MCM5: variants seen among roughly 807,000 people sequenced by gnomAD.
MCM5 encodes the protein minichromosome maintenance complex component 5, also known as DNA replication licensing factor MCM5.
MCM5 carries 46 observed loss-of-function variants against 79.9 expected under a neutral mutation model. The observed-to-expected ratio is 0.58, with a 90% CI of 0.45 to 0.74. The LOEUF is 0.74. MCM5 is among the 30% of genes least tolerant of loss of function. MCM5 has a pLI of 0.00. For missense variants in MCM5, 883 were observed against 1,017.0 expected, an observed-to-expected ratio of 0.87 and a Z score of 1.79; for synonymous variants, 404 against 390.5, an observed-to-expected ratio of 1.03 and a Z score of -0.41.
chr22:35,428,167 C>A (rs1932790261), downstream of MCM5, among the ~76,000 whole-genome samples: 1 of 151,600 alleles, frequency 6.6e-6, no homozygotes, highest in South Asian at 2.1e-4. Flanking sequence ...ATTACAGGTG[C>A]CCACCACCAC....
At chr22:35,417,657 C>G (rs1321056323) in intron 12 of MCM5, 87 bp from the exon 13 acceptor site, 1 of 915,784 alleles carries the variant, frequency 1.1e-6, no homozygotes, top group Non-Finnish European at 1.8e-6. Flanking sequence ...AGGGCCCCAT[C>G]AGCTCTTTCT....
At chr22:35,452,985 AG>A in the MCM5 span, among the ~76,000 whole-genome samples, 3 of 151,938 alleles carry the variant, frequency 2.0e-5, no homozygotes, top group African/African-American at 7.3e-5. Flanking sequence ...TGAGGCTGGG[AG>A]GCATGGAGAG....
At chr22:35,407,895 C>G (rs1932263988) in intron 5 of MCM5, among the ~76,000 whole-genome samples, 1 of 152,166 alleles carries the variant, frequency 6.6e-6, no homozygotes, top group South Asian at 2.1e-4. Flanking sequence ...CCCCCTGCAC[C>G]TGGAATAGTG....
rs1422590605 is a variant in MCM5, at chr22:35,400,503, A to T, written c.65A>T (p.Asp22Val). The change falls in exon 2 of 17, where the codon GAC becomes GTC. Residue 22 changes from aspartate (D) to valine (V), a missense_variant. Physicochemically the swap from Asp to Val is radical, Grantham distance 152. This residue lies in a region of MCM5 where 455 missense variants were observed against 517.5 expected (regional missense o/e 0.88). Coordinates refer to ENST00000216122, the MANE Select transcript of MCM5 (RefSeq NM_006739.4). ...AGCTTCGGGGGCGACGCCCAGGCCG[A>T]CGAGGGGCAGGCCCGCAAATCGCAG... is the stretch of plus-strand genomic sequence containing the variant. ...SDSFGGDAQADEGQARKSQLQ... is the reference protein window; with the variant it reads ...SDSFGGDAQAVEGQARKSQLQ... 2 of 1,614,062 alleles carry T rather than the reference A, an allele frequency of 1.2e-6. No homozygotes were observed. Among genetic ancestry groups the T allele is most frequent in the Non-Finnish European group, 1.7e-6 (2 of 1,179,972 alleles).
At chr22:35,408,790 T>C (rs1390838062) in intron 6 of MCM5, among the ~76,000 whole-genome samples, 1 of 152,250 alleles carries the variant, frequency 6.6e-6, no homozygotes, top group Admixed American at 6.5e-5. Context: ...TGAGGAAATG[T>C]AACTTGGAGA....
At chr22:35,400,643 G>A (rs756302209) in intron 2 of MCM5, 38 bp downstream of exon 2, 6 of 1,544,010 alleles carry the variant, frequency 3.9e-6, no homozygotes, top group Non-Finnish European at 5.2e-6. Context: ...GAGTTCCAGT[G>A]TGGCCGCTCA....
chr22:35,447,008 CG>C, the MCM5 span, among the ~76,000 whole-genome samples: 1 of 152,202 alleles, frequency 6.6e-6, no homozygotes, highest in African/African-American at 2.4e-5. Context: ...GCCCCGACTC[CG>C]GGCAGCGGTC....
At chr22:35,405,253 G>T (rs1254946981) in intron 4 of MCM5, among the ~76,000 whole-genome samples, 3 of 149,398 alleles carry the variant, frequency 2.0e-5, no homozygotes, top group African/African-American at 7.4e-5. Flanking sequence ...CCTGACCTCA[G>T]GTGATCCATA....
At chr22:35,406,190 G>A (rs1932206022) in intron 4 of MCM5, among the ~76,000 whole-genome samples, 1 of 151,692 alleles carries the variant, frequency 6.6e-6, no homozygotes, top group Non-Finnish European at 1.5e-5. Flanking sequence ...GTTCTGTGTT[G>A]TACTCTACAG....
intron 4 of MCM5, among the ~76,000 whole-genome samples, chr22:35,406,305 C>A (rs573828931): frequency 1.4e-5 from 2 of 144,878 alleles, no homozygotes; most frequent in Admixed American, 6.9e-5. Flanking sequence ...CACCTCCCCC[C>A]CCAATTGTGC....
chr22:35,447,359 G>T, the MCM5 span, among the ~76,000 whole-genome samples: 1 of 152,200 alleles, frequency 6.6e-6, no homozygotes, highest in African/African-American at 2.4e-5. Flanking sequence ...GTGACACATG[G>T]CTTAGCGATG....
chr22:35,430,896 A>T, the MCM5 span, among the ~76,000 whole-genome samples: 1,267 of 149,666 alleles, frequency 8.5e-3, 7 homozygotes, highest in East Asian at 0.037. Flanking sequence ...TGGTCTTTTT[A>T]AAAAAAATAA....
downstream of MCM5, among the ~76,000 whole-genome samples, chr22:35,429,581 C>G (rs926050103): frequency 2.6e-5 from 4 of 151,838 alleles, no homozygotes; most frequent in Non-Finnish European, 4.4e-5. Flanking sequence ...GTCACCCAGG[C>G]TGGAGTGCAG....
At chr22:35,431,960 T>C in the MCM5 span, among the ~76,000 whole-genome samples, 1 of 152,314 alleles carries the variant, frequency 6.6e-6, no homozygotes, top group South Asian at 2.1e-4. Context: ...GTCAGTGCCT[T>C]TCCCCAGAAG....
chr22:35,441,500 T>G, the MCM5 span, among the ~76,000 whole-genome samples: 9 of 152,236 alleles, frequency 5.9e-5, no homozygotes, highest in African/African-American at 1.7e-4. Context: ...CACAGCCCCA[T>G]AGAGTAGGTG....
intron 12 of MCM5, 39 bp from the exon 13 acceptor site, chr22:35,417,705 C>T (rs369681178): frequency 2.4e-4 from 347 of 1,424,952 alleles, no homozygotes; most frequent in East Asian, 4.8e-4. Context: ...AGGCTTGGGA[C>T]GGCCTGTGGG....
Position 35,424,153 on chromosome 22 carries a change from G to A in MCM5, c.2104-1G>A, listed in dbSNP as rs1480681118. The A allele has an allele frequency of 1.9e-6, 3 of 1,548,358 alleles. No homozygotes were observed. Among genetic ancestry groups the A allele is most frequent in the Non-Finnish European group, 2.6e-6 (3 of 1,144,814 alleles). On this transcript the variant is annotated splice_acceptor_variant, in intron 16 of 16. Coordinates refer to ENST00000216122, the MANE Select transcript of MCM5 (RefSeq NM_006739.4). LOFTEE classifies it high-confidence loss of function. The stretch of plus-strand genomic sequence containing the variant: ...CGTTAGCCAGCCATGTGCTCCCACA[G>A]AAATACCCGGAGCACGCCATCCACA...
rs1932524743 is a variant in MCM5, at chr22:35,415,869, C to A, written c.1244C>A (p.Thr415Lys). The A allele has an allele frequency of 3.1e-6, 5 of 1,614,008 alleles. No individual in the cohort carries two copies. Among genetic ancestry groups the A allele is most frequent in the Non-Finnish European group, 4.2e-6 (5 of 1,180,028 alleles). ...AAAGGCAGCAGCGCAGCTGGACTGA[C>A]AGCCTCGGTGATGAGGGACCCTTCG... ...SGKGSSAAGL[T>K]ASVMRDPSSR... Residue 415 changes from threonine (T) to lysine (K), a missense_variant, in exon 10 of 17, where the codon ACA (threonine) becomes AAA (lysine). By Grantham distance (78) the Thr-to-Lys change is moderately conservative (BLOSUM62 -1). Transcript: ENST00000216122.
chr22:35,451,011 A>G, the MCM5 span, among the ~76,000 whole-genome samples: 4 of 152,196 alleles, frequency 2.6e-5, no homozygotes, highest in African/African-American at 9.6e-5. Context: ...AAGTGAATGA[A>G]TGAATGCACT....
Sources: allele counts gnomAD v4.1 joint callset (sites outside exome capture counted in the v4.1 genomes callset), GRCh38; gene constraint gnomAD v4.1.1; regional missense constraint gnomAD v4.1.1; transcripts MANE v1.5; gene names NCBI Gene and HGNC (gene_info 2026-07-23, HGNC 2026-07-21).